The following PSPC1 variants were observed in gnomAD, a reference collection of about 807,000 sequenced individuals.
The protein encoded by PSPC1 is paraspeckle component 1.
Under a neutral mutation model 51.6 loss-of-function variants are expected in PSPC1, and 14 were observed. The observed-to-expected ratio is 0.27, with a 90% CI of 0.18 to 0.42. PSPC1 has a LOEUF of 0.42. Ranked by LOEUF, PSPC1 falls within the 10% of genes least tolerant of loss-of-function variation. The pLI is 1.00. For synonymous variants in PSPC1, 193 were observed against 231.9 expected (o/e 0.83, Z 1.53); for missense variants, 406 against 701.1 (o/e 0.58, Z 4.75).
chr13:19,745,961 T>C (rs373251892), intron 4 of PSPC1, among the ~76,000 whole-genome samples: 9 of 152,068 alleles, frequency 5.9e-5, no homozygotes, highest in African/African-American at 2.2e-4. Flanking sequence ...TTATCCTCTG[T>C]TGATTTCTTT....
At chr13:19,702,499 G>A (rs955905852), downstream of PSPC1, 3 of 151,980 alleles carry the variant, frequency 2.0e-5, no homozygotes, top group Non-Finnish European at 2.9e-5. Flanking sequence ...CCTTCAAACA[G>A]TTTTTTTCAA....
At chr13:19,686,820 A>C (rs1418687807) in intron 6 of PSPC1, among the ~76,000 whole-genome samples, 1 of 152,144 alleles carries the variant, frequency 6.6e-6, no homozygotes, top group African/African-American at 2.4e-5. Flanking sequence ...GGTAACTTTT[A>C]AGTTTGAGGA....
At chr13:19,706,395 T>C (rs184789969) in intron 7 of PSPC1, among the ~76,000 whole-genome samples, 69 of 151,926 alleles carry the variant, frequency 4.5e-4, no homozygotes, top group African/African-American at 1.6e-3. Flanking sequence ...GTACTCTTTT[T>C]TTAACTTTTT....
intron 5 of PSPC1, among the ~76,000 whole-genome samples, chr13:19,740,098 C>A (rs564933139): frequency 3.9e-5 from 6 of 152,216 alleles, no homozygotes; most frequent in African/African-American, 1.4e-4. Flanking sequence ...AATCCCAGCA[C>A]TTTGGGAGGC....
Position 19,694,234 on chromosome 13 carries a change from CAA to C in PSPC1, c.1159-16413_1159-16412del, listed in dbSNP as rs1878949583. Among the ~76,000 whole-genome samples the C allele has an allele frequency of 2.8e-5, 4 of 141,496 alleles. No homozygotes were observed. In the South Asian group the frequency reaches 9.0e-4, roughly 32 times the overall value. 92.8% of individuals were successfully genotyped at this position (141,496 alleles called of 152,430 possible). A position where few individuals can be genotyped will look rare whatever the true frequency, so the allele number is the denominator to read the frequency against. ...TCAACCTTATTCATTTTAAAAGGAA[CAA>C]TAAATTACATAATTATAGCCTATGT... On this transcript the variant is annotated intron_variant and NMD_transcript_variant, in intron 6 of 7. Coordinates refer to the PSPC1 transcript ENST00000471658.
intron 6 of PSPC1, among the ~76,000 whole-genome samples, chr13:19,683,583 T>C (rs529214387): frequency 5.3e-5 from 8 of 152,288 alleles, no homozygotes; most frequent in African/African-American, 9.6e-5. Context: ...TCCAAAACGT[T>C]TGAATAACTG....
At position 19,781,092 on chromosome 13, in the gene PSPC1, A is replaced by G. The variant is rs374543419; in HGVS notation, c.372+1294T>C. On this transcript the variant is annotated intron_variant, in intron 1 of 8. Transcript: ENST00000338910. ...GTGGGAGAACTTCTTGAGCCCAGGA[A>G]CTGAGATCGCGCCACTGCACTCTAG... is the stretch of plus-strand genomic sequence containing the variant. Among the ~76,000 whole-genome samples, 697 of 150,868 alleles carry G rather than the reference A, an allele frequency of 4.6e-3. 5 individuals are homozygous for G. Among genetic ancestry groups the G allele is most frequent in the South Asian group, 0.027 (126 of 4,726 alleles).
chr13:19,752,827 C>G (rs1345090507), intron 3 of PSPC1, among the ~76,000 whole-genome samples: 1 of 151,112 alleles, frequency 6.6e-6, no homozygotes, highest in Non-Finnish European at 1.5e-5. Context: ...ACCCTGTGAT[C>G]CACCCATCTC....
chr13:19,762,669 A>G (rs1887706039), intron 2 of PSPC1, among the ~76,000 whole-genome samples: 1 of 152,184 alleles, frequency 6.6e-6, no homozygotes. Flanking sequence ...ACTGTGTCTT[A>G]TTTTTATTTA....
At chr13:19,729,544 A>AG in intron 6 of PSPC1, among the ~76,000 whole-genome samples, 1 of 152,056 alleles carries the variant, frequency 6.6e-6, no homozygotes, top group African/African-American at 2.4e-5. Context: ...CTCAAAAAAA[A>AG]AAAAAAGGTT....
downstream of PSPC1, chr13:19,671,913 G>T (rs374241530): frequency 2.5e-6 from 4 of 1,599,440 alleles, no homozygotes; most frequent in African/African-American, 5.4e-5. Flanking sequence ...TCTTCAGACC[G>T]ATTCCTATAC....
chr13:19,708,155 T>G (rs1880941294), intron 7 of PSPC1, among the ~76,000 whole-genome samples: 1 of 152,212 alleles, frequency 6.6e-6, no homozygotes, highest in African/African-American at 2.4e-5. Flanking sequence ...CTCTACATTA[T>G]CTGATTAGTA....
At chr13:19,769,723 G>A (rs953267151) in intron 2 of PSPC1, among the ~76,000 whole-genome samples, 1 of 151,618 alleles carries the variant, frequency 6.6e-6, no homozygotes, top group Non-Finnish European at 1.5e-5. Context: ...CAACAAGAGC[G>A]AAAACTCCGT....
At chr13:19,675,588 A>G (rs1300826027) in intron 7 of PSPC1, 7 of 152,134 alleles carry the variant, frequency 4.6e-5, no homozygotes, top group African/African-American at 1.7e-4. Flanking sequence ...TAAATGAAGA[A>G]AGATTTGTTT....
intron 3 of PSPC1, among the ~76,000 whole-genome samples, chr13:19,756,282 C>T (rs1318261171): frequency 6.6e-6 from 1 of 152,078 alleles, no homozygotes; most frequent in African/African-American, 2.4e-5. Context: ...CAGGCCCACT[C>T]CCAGACTGTG....
intron 5 of PSPC1, among the ~76,000 whole-genome samples, chr13:19,739,877 A>C (rs955589499): frequency 6.6e-6 from 1 of 151,998 alleles, no homozygotes; most frequent in Non-Finnish European, 1.5e-5. Flanking sequence ...AAAAAAAAAA[A>C]AAAACAGTAG....
At chr13:19,707,155 T>C (rs1472763176) in intron 7 of PSPC1, among the ~76,000 whole-genome samples, 1 of 152,164 alleles carries the variant, frequency 6.6e-6, no homozygotes, top group Non-Finnish European at 1.5e-5. Context: ...AATTTTACAA[T>C]GGTGGGTTCG....
intron 5 of PSPC1, among the ~76,000 whole-genome samples, chr13:19,740,236 G>A (rs952657830): frequency 1.1e-4 from 16 of 151,890 alleles, no homozygotes; most frequent in Non-Finnish European, 1.9e-4. Flanking sequence ...CCAGCTACTC[G>A]GGAGGCTGAG....
intron 1 of PSPC1, among the ~76,000 whole-genome samples, chr13:19,779,555 TG>T (rs1339259080): frequency 8.2e-5 from 1 of 12,140 alleles, no homozygotes; most frequent in African/African-American, 2.2e-4. Flanking sequence ...CGGAGGGAGG[TG>T]GGGGGGTCAG....
Sources: gnomAD v4.1 joint callset for allele counts (sites outside exome capture counted in the v4.1 genomes callset) on GRCh38, gnomAD v4.1.1 for gene constraint, MANE v1.5 for transcripts, NCBI Gene and HGNC (gene_info 2026-07-23, HGNC 2026-07-21) for gene names.